LARGE1: variants seen among roughly 807,000 people sequenced by gnomAD.
LARGE1 encodes the protein LARGE xylosyl- and glucuronyltransferase 1.
Under a neutral mutation model 87.6 loss-of-function variants are expected in LARGE1, and 43 were observed. The observed-to-expected ratio is 0.49, with a 90% CI of 0.38 to 0.63. The LOEUF is 0.63. Among genes scored for constraint, LARGE1 ranks in the 30% least tolerant of loss-of-function variants. The pLI is 0.00. For missense variants in LARGE1, 802 were observed against 1,000.2 expected, an observed-to-expected ratio of 0.80 and a Z score of 2.67; for synonymous variants, 434 against 394.6, an observed-to-expected ratio of 1.10 and a Z score of -1.18.
At chr22:33,816,184 T>C (rs2086641659) in intron 1 of LARGE1, among the ~76,000 whole-genome samples, 1 of 152,148 alleles carries the variant, frequency 6.6e-6, no homozygotes, top group Admixed American at 6.5e-5. Context: ...CAAAAATTCA[T>C]CCATGAACAG....
At chr22:33,595,823 C>T (rs534784285) in intron 5 of LARGE1, among the ~76,000 whole-genome samples, 46 of 152,314 alleles carry the variant, frequency 3.0e-4, no homozygotes, top group African/African-American at 8.9e-4. Flanking sequence ...TCTAGGTTCC[C>T]TCTGTCTAGT....
rs117282396 is a variant in LARGE1 at position 33,830,264 on chromosome 22, G to A, written c.-82-68706C>T. ...GCTAAATCAAATTCCATAAGCAAATGCTGACCACATTTGATTATAACATAA... is the reference window on the plus strand; with the variant it reads ...GCTAAATCAAATTCCATAAGCAAATACTGACCACATTTGATTATAACATAA... On this transcript the variant is annotated intron_variant, in intron 1 of 14. Transcript: ENST00000397394. 8.0e-3 allele frequency among the ~76,000 whole-genome samples: 1,210 copies of A among 152,196 alleles called. 36 individuals carry two copies. The highest frequency in any genetic ancestry group is 0.061 in the Admixed American group (930 of 15,276).
intron 6 of LARGE1, among the ~76,000 whole-genome samples, chr22:33,475,079 G>A (rs911847246): frequency 1.3e-5 from 2 of 152,142 alleles, no homozygotes; most frequent in Non-Finnish European, 2.9e-5. Flanking sequence ...TGAATTTGGG[G>A]ACAGGGAATG....
In LARGE1 at chr22:33,729,861, C is replaced by G. The variant is rs139232479; in HGVS notation, c.106+31510G>C. Reference sequence around the variant, plus strand: ...CACATGTAGAGGCTCTCATGCTTACCCGTTCTCCCCTCATCAAGTATTTAT... The same window carrying G: ...CACATGTAGAGGCTCTCATGCTTACGCGTTCTCCCCTCATCAAGTATTTAT... On this transcript the variant is annotated intron_variant, in intron 2 of 14. Coordinates refer to ENST00000397394, the MANE Select transcript of LARGE1 (RefSeq NM_133642.5). Among the ~76,000 whole-genome samples, 184 of 152,278 alleles carry G rather than the reference C, an allele frequency of 1.2e-3. 1 individual carries two copies. Among genetic ancestry groups the G allele is most frequent in the African/African-American group, 4.2e-3 (176 of 41,560 alleles).
intron 9 of LARGE1, among the ~76,000 whole-genome samples, chr22:33,339,701 A>G (rs1260992778): frequency 6.6e-6 from 1 of 152,132 alleles, no homozygotes; most frequent in Non-Finnish European, 1.5e-5. Flanking sequence ...TAAAATATTT[A>G]TTTGTTTATG....
At chr22:33,637,726 C>A (rs1469328630) in intron 3 of LARGE1, among the ~76,000 whole-genome samples, 3 of 152,160 alleles carry the variant, frequency 2.0e-5, no homozygotes, top group East Asian at 1.9e-4. Context: ...GAGTCTTCAG[C>A]CCCAATCAAA....
At chr22:33,887,166 C>A (rs1465147013) in intron 1 of LARGE1, among the ~76,000 whole-genome samples, 3 of 152,230 alleles carry the variant, frequency 2.0e-5, no homozygotes, top group South Asian at 4.2e-4. Flanking sequence ...GATGTCCCCC[C>A]CAAAATTGCT....
chr22:33,729,000 G>T (rs1189236232), intron 2 of LARGE1, among the ~76,000 whole-genome samples: 5 of 152,056 alleles, frequency 3.3e-5, no homozygotes, highest in Admixed American at 3.3e-4. Flanking sequence ...ACAAAAAAAG[G>T]CATTCTTGGA....
At chr22:33,280,270 T>C (rs1030168997) in intron 13 of LARGE1, among the ~76,000 whole-genome samples, 2 of 144,896 alleles carry the variant, frequency 1.4e-5, no homozygotes, top group Non-Finnish European at 3.0e-5. Context: ...TGTGACTTAA[T>C]TCACATACAG....
chr22:33,096,130 C>T, the LARGE1 span, among the ~76,000 whole-genome samples: 4 of 152,088 alleles, frequency 2.6e-5, no homozygotes, highest in African/African-American at 9.7e-5. Flanking sequence ...GGAGATAATA[C>T]CCAGGCCAGG....
At chr22:33,340,609 T>C (rs541145625) in intron 9 of LARGE1, among the ~76,000 whole-genome samples, 3 of 151,846 alleles carry the variant, frequency 2.0e-5, no homozygotes, top group Non-Finnish European at 4.4e-5. Flanking sequence ...GAACCCTCCA[T>C]GGGACACCTG....
In LARGE1 at chr22:33,337,872, C is replaced by A. The variant is rs1410348439; in HGVS notation, c.1132-71G>T. On this transcript the variant is annotated intron_variant, in intron 9 of 14. Transcript: ENST00000397394. ...GGGGATCCCTCACACCTGTAGGAAGCCATGGCTCAGCACTGGGCTAAGCAT... is the reference window on the plus strand; with the variant it reads ...GGGGATCCCTCACACCTGTAGGAAGACATGGCTCAGCACTGGGCTAAGCAT... 2.7e-6 allele frequency: 4 copies of A among 1,506,572 alleles called. No individual in the cohort carries two copies. In the African/African-American group the frequency reaches 5.5e-5, roughly 21 times the overall value. 93.3% of individuals were successfully genotyped at this position (1,506,572 alleles called of 1,614,324 possible). A position where few individuals can be genotyped will look rare whatever the true frequency, so the allele number is the denominator to read the frequency against.
chr22:33,697,572 G>GAAAAAAAAAAAAAA (rs1556001740), intron 2 of LARGE1, among the ~76,000 whole-genome samples: 1 of 30,892 alleles, frequency 3.2e-5, no homozygotes. Context: ...AAAAAAAAAG[G>GAAAAAAAAAAAAAA]AAATACATCT....
At chr22:33,710,765 G>C (rs73170537) in intron 2 of LARGE1, among the ~76,000 whole-genome samples, 4,053 of 152,256 alleles carry the variant, frequency 0.027, 94 homozygotes, top group Middle Eastern at 0.092. Context: ...AAGTGTAACG[G>C]AGTCGTCCTA....
In LARGE1 at chr22:33,604,416, C is replaced by T. The variant is rs911005935; in HGVS notation, c.615+19G>A. ...CCAGCTAGAGGAGATCACGGAAGTG[C>T]CTCCCCTCCTGCCCATACCTTGAGC... On this transcript the variant is annotated intron_variant, in intron 5 of 14. Transcript: ENST00000397394. 6.2e-7 allele frequency: 1 copy of T among 1,613,902 alleles called. No individual in the cohort carries two copies.
intron 1 of LARGE1, among the ~76,000 whole-genome samples, chr22:33,768,700 T>C (rs2084979710): frequency 6.6e-6 from 1 of 152,200 alleles, no homozygotes; most frequent in Non-Finnish European, 1.5e-5. Flanking sequence ...AAACCCCTTC[T>C]GGGCAAAGGA....
At chr22:33,255,491 G>A (rs1927218231) in intron 11 of LARGE1, among the ~76,000 whole-genome samples, 1 of 152,162 alleles carries the variant, frequency 6.6e-6, no homozygotes, top group Non-Finnish European at 1.5e-5. Context: ...TCAAAATTTT[G>A]TGTCCCTCCA....
the LARGE1 span, among the ~76,000 whole-genome samples, chr22:33,073,174 A>T: frequency 2.6e-5 from 4 of 152,116 alleles, no homozygotes; most frequent in East Asian, 7.7e-4. Flanking sequence ...AAGACAGAGG[A>T]TTTTGTTTTA....
intron 2 of LARGE1, among the ~76,000 whole-genome samples, chr22:33,730,419 C>T (rs1247687782): frequency 6.6e-6 from 1 of 152,146 alleles, no homozygotes; most frequent in Non-Finnish European, 1.5e-5. Flanking sequence ...CCACGATGTG[C>T]TTATTTCACA....
Sources: allele counts gnomAD v4.1 joint callset (sites outside exome capture counted in the v4.1 genomes callset), GRCh38; gene constraint gnomAD v4.1.1; transcripts MANE v1.5; gene names NCBI Gene and HGNC (gene_info 2026-07-23, HGNC 2026-07-21).